The following DNMBP variants were observed in gnomAD, a reference collection of about 807,000 sequenced individuals.
DNMBP encodes dynamin binding protein.
A neutral mutation model predicts 150.0 loss-of-function variants in DNMBP; 87 were observed. That is an observed-to-expected ratio of 0.58 (90% CI 0.49 to 0.69). The LOEUF (loss-of-function observed/expected upper bound fraction) is 0.69, where lower values mean the gene tolerates loss of function less well. DNMBP is among the 30% of genes least tolerant of loss of function. The pLI is 0.00. For missense variants in DNMBP, 1,774 were observed against 1,949.0 expected (o/e 0.91, Z 1.69); for synonymous variants, 711 against 750.4 (o/e 0.95, Z 0.86).
chr10:99,899,851 G>C lies in DNMBP; in HGVS notation c.2702+68C>G, dbSNP rs780088707. On this transcript the variant is annotated intron_variant, in intron 7 of 16. Coordinates refer to ENST00000324109, the MANE Select transcript of DNMBP (RefSeq NM_015221.4). ...AATAAGATGTCATCATCAAGTCCAGGCATATACACAGGTATAACTTAGAGA... is the reference window on the plus strand; with the variant it reads ...AATAAGATGTCATCATCAAGTCCAGCCATATACACAGGTATAACTTAGAGA... The C allele has an allele frequency of 3.3e-6, 5 of 1,499,802 alleles. No homozygotes were observed. In the East Asian group the frequency reaches 1.1e-4, roughly 34 times the overall value. 92.9% of individuals were successfully genotyped at this position (1,499,802 alleles called of 1,614,324 possible). A position where few individuals can be genotyped will look rare whatever the true frequency, so the allele number is the denominator to read the frequency against.
intron 14 of DNMBP, 35 bp from the exon 15 acceptor site, chr10:99,884,244 G>A (rs1180404067): frequency 6.3e-7 from 1 of 1,575,682 alleles, no homozygotes; most frequent in Non-Finnish European, 8.7e-7. Flanking sequence ...ATCTCTCAGT[G>A]GCCACTACCC....
chr10:99,877,160 C>T lies in DNMBP; in HGVS notation c.4725G>A (p.Glu1575=), dbSNP rs11190304. 36,284 of 1,609,802 alleles carry T rather than the reference C, an allele frequency of 0.023. 435 individuals carry two copies. Among genetic ancestry groups the T allele is most frequent in the Non-Finnish European group, 0.026 (30,380 of 1,178,102 alleles). Residue 1575 remains glutamate (E), a synonymous_variant, in exon 17 of 17, where the codon GAG becomes GAA. Coordinates refer to ENST00000324109, the MANE Select transcript of DNMBP (RefSeq NM_015221.4). ...GGCAGGCAACGTGGGCTCAGGTGTACTCGGTTTTGCGGATATAATTGGAGG... is the reference window on the plus strand; with the variant it reads ...GGCAGGCAACGTGGGCTCAGGTGTATTCGGTTTTGCGGATATAATTGGAGG... ...YVPSNYIRKT[E]YT
chr10:99,978,962 A>C (rs2040756267), intron 1 of DNMBP, among the ~76,000 whole-genome samples: 1 of 152,140 alleles, frequency 6.6e-6, no homozygotes, highest in Non-Finnish European at 1.5e-5. Flanking sequence ...TTTTAACAGA[A>C]TTGCAGTTCT....
chr10:99,976,723 C>A (rs1277649753), intron 1 of DNMBP, among the ~76,000 whole-genome samples: 1 of 151,808 alleles, frequency 6.6e-6, no homozygotes, highest in Admixed American at 6.6e-5. Flanking sequence ...GGCTGTCTTC[C>A]AGAGGACTGA....
intron 1 of DNMBP, among the ~76,000 whole-genome samples, chr10:99,980,051 T>C (rs1220286442): frequency 6.6e-6 from 1 of 152,254 alleles, no homozygotes; most frequent in African/African-American, 2.4e-5. Context: ...CTTGCTCTTA[T>C]ATCAACCATC....
At chr10:99,909,315 T>TA (rs1397628348) in intron 4 of DNMBP, among the ~76,000 whole-genome samples, 169 bp from the exon 5 acceptor site, 1 of 152,204 alleles carries the variant, frequency 6.6e-6, no homozygotes, top group African/African-American at 2.4e-5. Flanking sequence ...CTGAAGCGCT[T>TA]AGAAAGCCAT....
intron 3 of DNMBP, among the ~76,000 whole-genome samples, chr10:99,967,857 C>T (rs1285333001): frequency 1.3e-5 from 2 of 152,104 alleles, no homozygotes; most frequent in Non-Finnish European, 1.5e-5. Flanking sequence ...GTCTTTTAGA[C>T]ACTACTGGTT....
intron 1 of DNMBP, among the ~76,000 whole-genome samples, chr10:100,003,392 A>G (rs2041037279): frequency 6.6e-6 from 1 of 152,084 alleles, no homozygotes; most frequent in Non-Finnish European, 1.5e-5. Context: ...TGAAGCATGT[A>G]TTTAGAGATT....
chr10:99,989,305 C>T (rs2040861470), intron 1 of DNMBP, among the ~76,000 whole-genome samples: 1 of 152,162 alleles, frequency 6.6e-6, no homozygotes, highest in Non-Finnish European at 1.5e-5. Flanking sequence ...GGCTTTCAGC[C>T]ATTATTTTAT....
intron 3 of DNMBP, among the ~76,000 whole-genome samples, chr10:99,962,946 C>T (rs376456876): frequency 0.018 from 2,706 of 151,454 alleles, 44 homozygotes; most frequent in African/African-American, 0.041. Flanking sequence ...ACCTGATGGA[C>T]TGCTATTTTA....
chr10:100,000,011 T>C (rs1589455386), intron 1 of DNMBP, among the ~76,000 whole-genome samples: 2 of 152,204 alleles, frequency 1.3e-5, no homozygotes. Context: ...AACACCATTA[T>C]GGTGTATTTG....
chr10:99,984,099 T>C (rs1030424273), intron 1 of DNMBP, among the ~76,000 whole-genome samples: 1 of 152,210 alleles, frequency 6.6e-6, no homozygotes, highest in African/African-American at 2.4e-5. Context: ...AACTGCTGTT[T>C]TCCTTCCATT....
intron 11 of DNMBP, among the ~76,000 whole-genome samples, chr10:99,894,122 T>TA (rs913584454): frequency 3.9e-5 from 6 of 152,018 alleles, no homozygotes; most frequent in South Asian, 4.2e-4. Context: ...CATCTCTGCT[T>TA]AAAAAAATTA....
At position 99,911,447 on chromosome 10, in the gene DNMBP, C is replaced by T. The variant is rs139410434; in HGVS notation, c.2261-2301G>A. On this transcript the variant is annotated intron_variant, in intron 4 of 16. Transcript: ENST00000324109. ...GCAGTGAGCCAAGATTGCACCACTGCACTCCAGCCTGGGAGAACAGAGCAA... is the reference window on the plus strand; with the variant it reads ...GCAGTGAGCCAAGATTGCACCACTGTACTCCAGCCTGGGAGAACAGAGCAA... Among the ~76,000 whole-genome samples, 7 of 152,180 alleles carry T rather than the reference C, an allele frequency of 4.6e-5. No individual in the cohort carries two copies. In the East Asian group the frequency reaches 1.4e-3, roughly 29 times the overall value.
chr10:99,931,769 A>G (rs2040161077), intron 4 of DNMBP, among the ~76,000 whole-genome samples: 1 of 152,254 alleles, frequency 6.6e-6, no homozygotes, highest in South Asian at 2.1e-4. Flanking sequence ...TGCCTCTTAC[A>G]ATGCAGAAGC....
intron 1 of DNMBP, among the ~76,000 whole-genome samples, chr10:99,985,780 GTGT>G (rs2040821451): frequency 6.6e-6 from 1 of 152,104 alleles, no homozygotes; most frequent in Non-Finnish European, 1.5e-5. Flanking sequence ...AGGATGAGAG[GTGT>G]CAGAAAGTGA....
chr10:99,995,739 A>G (rs2040944529), intron 1 of DNMBP, among the ~76,000 whole-genome samples: 1 of 123,316 alleles, frequency 8.1e-6, no homozygotes, highest in Non-Finnish European at 1.7e-5. Flanking sequence ...GCTATTCTAT[A>G]AGAATGTGAC....
In DNMBP at chr10:99,894,977, C is replaced by A; in HGVS notation, c.3125G>T (p.Arg1042Leu). Residue 1042 changes from arginine (R) to leucine (L), a missense_variant, in exon 11 of 17, where the codon CGA becomes CTA. By Grantham distance (102) the Arg-to-Leu change is moderately radical. Around this residue, in one of 2 missense-constraint regions of DNMBP, gnomAD observed 1,430 missense variants for 1,492.5 expected, o/e 0.96. Coordinates refer to ENST00000324109, the MANE Select transcript of DNMBP (RefSeq NM_015221.4). ...MQERLIKSFI[R>L]DLSLYLQHIR... Reference sequence around the variant, plus strand: ...GTGCTGGAGGTAGAGAGACAGGTCTCGGATAAAAGACTTAATCAATCTTTC... The same window carrying A: ...GTGCTGGAGGTAGAGAGACAGGTCTAGGATAAAAGACTTAATCAATCTTTC... The A allele has an allele frequency of 6.2e-7, 1 of 1,613,996 alleles. No individual in the cohort carries two copies. The highest frequency in any genetic ancestry group is 8.5e-7 in the Non-Finnish European group (1 of 1,179,928).
rs764264237 is a variant in DNMBP at position 99,886,346 on chromosome 10, C to T, written c.3572G>A (p.Cys1191Tyr). The part of the protein sequence containing the change: ...NCVHGYAEAH[C>Y]DFVHQALEQL... The stretch of plus-strand genomic sequence containing the variant: ...CTCCAGAGCCTGGTGCACAAAGTCA[C>T]AGTGGGCTTCAGCATAGCCGTGGAC... The change falls in exon 13 of 17, where the codon TGT becomes TAT. Residue 1191 changes from cysteine to tyrosine, a missense_variant. Cys to Tyr is a radical substitution (Grantham distance 194). Coordinates refer to ENST00000324109, the MANE Select transcript of DNMBP (RefSeq NM_015221.4). 6.2e-7 allele frequency: 1 copy of T among 1,614,132 alleles called. No homozygotes were observed. The highest frequency in any genetic ancestry group is 8.5e-7 in the Non-Finnish European group (1 of 1,179,994).
Sources: allele counts gnomAD v4.1 joint callset (sites outside exome capture counted in the v4.1 genomes callset), GRCh38; gene constraint gnomAD v4.1.1; regional missense constraint gnomAD v4.1.1; transcripts MANE v1.5; gene names NCBI Gene and HGNC (gene_info 2026-07-23, HGNC 2026-07-21).